Variants in GRIK4 observed in about 807,000 individuals in gnomAD.
The protein encoded by GRIK4 is glutamate receptor ionotropic, kainate 4.
In GRIK4, 40 loss-of-function variants were observed where a neutral mutation model predicts 104.9. The ratio of observed to expected loss-of-function variants is 0.38; its 90% CI spans 0.30 to 0.50. GRIK4 has a LOEUF of 0.50. GRIK4 is among the 20% of genes least tolerant of loss of function. The pLI, the probability that GRIK4 is intolerant of heterozygous loss-of-function variation, is 0.93. For missense variants in GRIK4, 1,047 were observed against 1,308.1 expected (o/e 0.80, Z 3.08); for synonymous variants, 485 against 524.9 (o/e 0.92, Z 1.04).
chr11:120,536,271 C>T (rs1314233892), intron 1 of GRIK4, among the ~76,000 whole-genome samples: 5 of 152,338 alleles, frequency 3.3e-5, no homozygotes, highest in Middle Eastern at 3.4e-3. Flanking sequence ...GAGGAGCTCG[C>T]GGGGCTGGCA....
intron 3 of GRIK4, among the ~76,000 whole-genome samples, chr11:120,715,237 A>T (rs1296190702): frequency 6.6e-6 from 1 of 152,158 alleles, no homozygotes; most frequent in Non-Finnish European, 1.5e-5. Flanking sequence ...TGATCAAGGG[A>T]GGGAGAAGGG....
chr11:120,837,179 C>T (rs1953596051), intron 8 of GRIK4, among the ~76,000 whole-genome samples: 1 of 152,150 alleles, frequency 6.6e-6, no homozygotes, highest in African/African-American at 2.4e-5. Context: ...ATCAGGTGTC[C>T]TAAAAAGTCC....
At chr11:120,602,386 G>T (rs1292574471) in intron 1 of GRIK4, among the ~76,000 whole-genome samples, 1 of 152,188 alleles carries the variant, frequency 6.6e-6, no homozygotes, top group Non-Finnish European at 1.5e-5. Flanking sequence ...TTCAGGGAGT[G>T]CCAGCCCCTC....
At chr11:120,520,508 C>T (rs1162873406) in intron 1 of GRIK4, among the ~76,000 whole-genome samples, 8 of 152,166 alleles carry the variant, frequency 5.3e-5, no homozygotes, top group Admixed American at 3.9e-4. Context: ...AAGAAGGCAG[C>T]GACATAAAGC....
intron 8 of GRIK4, among the ~76,000 whole-genome samples, chr11:120,845,615 A>G (rs1426617429): frequency 6.6e-6 from 1 of 151,548 alleles, no homozygotes; most frequent in Non-Finnish European, 1.5e-5. Context: ...ACAGGCACAC[A>G]TGAACATATA....
At chr11:120,835,196 G>T (rs1361159993) in intron 7 of GRIK4, among the ~76,000 whole-genome samples, 1 of 152,126 alleles carries the variant, frequency 6.6e-6, no homozygotes, top group Non-Finnish European at 1.5e-5. Flanking sequence ...AGTTACCCCC[G>T]ACCTGCTCCT....
intron 3 of GRIK4, among the ~76,000 whole-genome samples, chr11:120,707,030 C>T (rs1408316779): frequency 6.6e-6 from 1 of 152,210 alleles, no homozygotes; most frequent in Non-Finnish European, 1.5e-5. Context: ...CACCTCAGAG[C>T]TCCTGGGACA....
intron 1 of GRIK4, among the ~76,000 whole-genome samples, chr11:120,603,771 A>G (rs1483852977): frequency 6.6e-6 from 1 of 152,076 alleles, no homozygotes; most frequent in East Asian, 1.9e-4. Context: ...ATCTGAGGAC[A>G]TTTTTGTTGC....
intron 1 of GRIK4, among the ~76,000 whole-genome samples, chr11:120,527,350 TGTCTGCAGG>T (rs896552366): frequency 5.9e-5 from 9 of 152,176 alleles, no homozygotes; most frequent in Admixed American, 2.6e-4. Flanking sequence ...GGACAGCATC[TGTCTGCAGG>T]GTCTGCTGGG....
chr11:120,822,232 A>AAAAAAAAAAAAAAAAAAAAG (rs796180829), intron 6 of GRIK4, among the ~76,000 whole-genome samples: 1 of 147,080 alleles, frequency 6.8e-6, no homozygotes, highest in African/African-American at 2.7e-5. Context: ...AAAAAAAAAA[A>AAAAAAAAAAAAAAAAAAAAG]AAAGACAGTA....
At chr11:120,759,767 T>C (rs1329393264) in intron 3 of GRIK4, among the ~76,000 whole-genome samples, 1 of 152,182 alleles carries the variant, frequency 6.6e-6, no homozygotes, top group Non-Finnish European at 1.5e-5. Context: ...AAGGGCCAGA[T>C]AGTAAATATT....
Position 120,693,964 on chromosome 11 carries a change from T to G in GRIK4, c.82+33564T>G, listed in dbSNP as rs183401140. 3.8e-4 allele frequency among the ~76,000 whole-genome samples: 58 copies of G among 152,286 alleles called. 1 individual carries two copies. Among genetic ancestry groups the G allele is most frequent in the South Asian group, 3.1e-3 (15 of 4,816 alleles). ...GACAGAAAATTGTCTTAGCACCATTTTCTGTCAGCCCAATTGCCTTTCATT... is the reference window on the plus strand; with the variant it reads ...GACAGAAAATTGTCTTAGCACCATTGTCTGTCAGCCCAATTGCCTTTCATT... On this transcript the variant is annotated intron_variant, in intron 3 of 20. Coordinates refer to ENST00000527524, the MANE Select transcript of GRIK4 (RefSeq NM_014619.5).
At chr11:120,650,713 G>A (rs1003308605) in intron 1 of GRIK4, among the ~76,000 whole-genome samples, 5 of 152,204 alleles carry the variant, frequency 3.3e-5, no homozygotes, top group Non-Finnish European at 5.9e-5. Flanking sequence ...AAAATTACCT[G>A]CCATGCAGTA....
intron 3 of GRIK4, among the ~76,000 whole-genome samples, chr11:120,779,490 C>A (rs1292222592): frequency 1.3e-5 from 2 of 152,166 alleles, no homozygotes; most frequent in Non-Finnish European, 2.9e-5. Context: ...GGCCTGGGTG[C>A]CACATGTCAG....
At chr11:120,614,064 G>A (rs1949073434) in intron 1 of GRIK4, among the ~76,000 whole-genome samples, 1 of 152,280 alleles carries the variant, frequency 6.6e-6, no homozygotes, top group Non-Finnish European at 1.5e-5. Context: ...AGCTCAGCCT[G>A]CATCCTCTCT....
chr11:120,975,661 C>T (rs188367378), intron 19 of GRIK4, among the ~76,000 whole-genome samples: 22 of 152,322 alleles, frequency 1.4e-4, no homozygotes, highest in Admixed American at 1.2e-3. Context: ...GTAACTCACA[C>T]GTAGACCCCC....
At chr11:120,960,841 TG>T in intron 16 of GRIK4, 67 bp from the exon 17 acceptor site, 1 of 1,252,258 alleles carries the variant, frequency 8.0e-7, no homozygotes, top group Non-Finnish European at 1.1e-6. Flanking sequence ...ACAGCAGGAC[TG>T]GGGTCAGGGG....
chr11:120,740,577 T>G (rs957455615), intron 3 of GRIK4, among the ~76,000 whole-genome samples: 4 of 152,180 alleles, frequency 2.6e-5, no homozygotes, highest in African/African-American at 9.6e-5. Flanking sequence ...TGCCAGGAAG[T>G]GATCCAGCAT....
chr11:120,523,103 C>T (rs1277894283), intron 1 of GRIK4, among the ~76,000 whole-genome samples: 3 of 150,124 alleles, frequency 2.0e-5, no homozygotes, highest in African/African-American at 7.4e-5. Context: ...TGCAGACACC[C>T]CATCAGGGGG....
Sources: allele counts gnomAD v4.1 joint callset (sites outside exome capture counted in the v4.1 genomes callset), GRCh38; gene constraint gnomAD v4.1.1; transcripts MANE v1.5; gene names NCBI Gene and HGNC (gene_info 2026-07-23, HGNC 2026-07-21).